Variants in ZNF362 observed in about 807,000 individuals in gnomAD.
The protein encoded by ZNF362 is rotund homolog.
ZNF362 carries 11 observed loss-of-function variants against 42.9 expected under a neutral mutation model. That is an observed-to-expected ratio of 0.26 (90% CI 0.16 to 0.42). The LOEUF is 0.42. ZNF362 is among the 20% of genes least tolerant of loss of function. The pLI is 1.00. For missense variants in ZNF362, 362 were observed against 576.2 expected (o/e 0.63, Z 3.81); for synonymous variants, 255 against 257.3 (o/e 0.99, Z 0.09).
the ZNF362 span, among the ~76,000 whole-genome samples, chr1:33,196,396 G>A: frequency 6.6e-6 from 1 of 151,924 alleles, no homozygotes; most frequent in Admixed American, 6.6e-5. Context: ...AAACAAACAA[G>A]CAAACAAACA....
chr1:33,220,400 C>T, the ZNF362 span, among the ~76,000 whole-genome samples: 2 of 152,184 alleles, frequency 1.3e-5, no homozygotes, highest in Non-Finnish European at 2.9e-5. Flanking sequence ...TGTGATTGAT[C>T]TCCACTTTAA....
rs1645991586 is a variant in ZNF362, at chr1:33,281,210, G to T, written c.684-377G>T. 6.6e-6 allele frequency among the ~76,000 whole-genome samples: 1 copy of T among 152,176 alleles called. No individual in the cohort carries two copies. The highest frequency in any genetic ancestry group is 1.5e-5 in the Non-Finnish European group (1 of 68,028). ...AGTATGGAGGGTGGGGCAGGCGTTGGTATTTCTTAGACGCTCCCCAGATGA... is the reference window on the plus strand; with the variant it reads ...AGTATGGAGGGTGGGGCAGGCGTTGTTATTTCTTAGACGCTCCCCAGATGA... On this transcript the variant is annotated intron_variant, in intron 5 of 8. Transcript: ENST00000539719. This position sits in a 1 kb window ranked among gnomAD's most constrained non-coding sequence, Gnocchi z 4.8.
the ZNF362 span, among the ~76,000 whole-genome samples, chr1:33,158,756 T>C: frequency 6.6e-6 from 1 of 152,230 alleles, no homozygotes. Flanking sequence ...CACAGAGACC[T>C]AGGCTTGAAT....
intron 8 of ZNF362, among the ~76,000 whole-genome samples, chr1:33,296,831 T>G (rs1054988352): frequency 6.6e-6 from 1 of 151,636 alleles, no homozygotes; most frequent in Non-Finnish European, 1.5e-5. Flanking sequence ...AGGGTTTTTT[T>G]TTTTTTTTTT....
the ZNF362 span, among the ~76,000 whole-genome samples, chr1:33,189,083 G>A: frequency 6.6e-6 from 1 of 152,160 alleles, no homozygotes; most frequent in African/African-American, 2.4e-5. Context: ...TCAATGCACC[G>A]CCTAAAGTTC....
upstream of ZNF362, among the ~76,000 whole-genome samples, chr1:33,256,110 C>A (rs1353555020): frequency 4.0e-5 from 6 of 150,856 alleles, no homozygotes; most frequent in Non-Finnish European, 8.9e-5. Flanking sequence ...GCGAGGAGTT[C>A]CTTTGTGGCT....
At chr1:33,220,369 TCCTCTAA>T in the ZNF362 span, among the ~76,000 whole-genome samples, 1 of 152,142 alleles carries the variant, frequency 6.6e-6, no homozygotes, top group African/African-American at 2.4e-5. Flanking sequence ...AAGCATTACA[TCCTCTAA>T]CCCTCAGTTA....
At chr1:33,293,559 G>T (rs1475424399) in intron 6 of ZNF362, among the ~76,000 whole-genome samples, 1 of 152,184 alleles carries the variant, frequency 6.6e-6, no homozygotes, top group Non-Finnish European at 1.5e-5. Flanking sequence ...TCAGTGAGAG[G>T]GGCTGGGGCC....
the ZNF362 span, among the ~76,000 whole-genome samples, chr1:33,162,691 A>G: frequency 6.6e-6 from 1 of 151,930 alleles, no homozygotes; most frequent in East Asian, 1.9e-4. Flanking sequence ...GATGGGAGGG[A>G]AAGGGGGGAA....
the ZNF362 span, among the ~76,000 whole-genome samples, chr1:33,155,063 A>G: frequency 7.2e-6 from 1 of 139,202 alleles, no homozygotes; most frequent in African/African-American, 2.6e-5. Context: ...ACTGCACTCC[A>G]GCCTGGGCGA....
the ZNF362 span, among the ~76,000 whole-genome samples, chr1:33,191,490 TTTTTTGTTTTTG>T: frequency 0.055 from 8,190 of 149,616 alleles, 433 homozygotes; most frequent in African/African-American, 0.13. Flanking sequence ...AAACATCCTT[TTTTTTGTTTTTG>T]TTTTTGTTTT....
chr1:33,230,784 T>C, the ZNF362 span, among the ~76,000 whole-genome samples: 1 of 152,338 alleles, frequency 6.6e-6, no homozygotes, highest in South Asian at 2.1e-4. Flanking sequence ...AATGGCTGCT[T>C]CTCAAGGTGT....
the ZNF362 span, among the ~76,000 whole-genome samples, chr1:33,199,271 A>C: frequency 6.6e-6 from 1 of 152,188 alleles, no homozygotes; most frequent in Admixed American, 6.5e-5. Flanking sequence ...GAATCTTAAA[A>C]ACCGCTAAAG....
chr1:33,147,140 A>T, the ZNF362 span: 1 of 1,595,106 alleles, frequency 6.3e-7, no homozygotes, highest in East Asian at 2.2e-5. The surrounding 1 kb of genome is among the most constrained non-coding windows in gnomAD (Gnocchi z 8.1). Context: ...TGCAGGTGGC[A>T]GTGGTCCCAG....
chr1:33,255,828 T>C (rs1252068872), upstream of ZNF362, among the ~76,000 whole-genome samples: 1 of 151,708 alleles, frequency 6.6e-6, no homozygotes, highest in East Asian at 2.0e-4. Context: ...TGAGGGTCCA[T>C]CCTGGGGGTC....
chr1:33,189,722 T>TATATATATATATATAC, the ZNF362 span, among the ~76,000 whole-genome samples: 52 of 102,844 alleles, frequency 5.1e-4, 2 homozygotes, highest in African/African-American at 2.0e-3. Flanking sequence ...TATATATACA[T>TATATATATATATATAC]ACACACATAC....
the ZNF362 span, among the ~76,000 whole-genome samples, chr1:33,228,191 T>G: frequency 1.3e-5 from 2 of 151,976 alleles, no homozygotes; most frequent in African/African-American, 4.8e-5. Context: ...AGTAGGCACA[T>G]CATCTTCCCC....
intron 2 of ZNF362, chr1:33,274,936 T>C (rs1448949486): frequency 1.0e-6 from 1 of 984,912 alleles, no homozygotes; most frequent in African/African-American, 1.7e-5. Context: ...TCTTAAAATA[T>C]TGAGATTAGA....
the ZNF362 span, among the ~76,000 whole-genome samples, chr1:33,172,548 CG>C: frequency 1.3e-5 from 2 of 151,562 alleles, no homozygotes; most frequent in Non-Finnish European, 2.9e-5. Context: ...CCCATCGGAG[CG>C]GGGGTGGGCC....
Sources: gnomAD v4.1 joint callset for allele counts (sites outside exome capture counted in the v4.1 genomes callset) on GRCh38, gnomAD v4.1.1 for gene constraint, Gnocchi (gnomAD v3.1) non-coding constraint, MANE v1.5 for transcripts, NCBI Gene and HGNC (gene_info 2026-07-23, HGNC 2026-07-21) for gene names.